Variants in THSD7A observed in about 807,000 individuals in gnomAD.
THSD7A encodes thrombospondin type-1 domain-containing protein 7A.
In THSD7A, 96 loss-of-function variants were observed where a neutral mutation model predicts 231.3. That is an observed-to-expected ratio of 0.41 (90% CI 0.35 to 0.49). THSD7A has a LOEUF of 0.49. Among genes scored for constraint, THSD7A ranks in the 20% least tolerant of loss-of-function variants. The pLI, the probability that THSD7A is intolerant of heterozygous loss-of-function variation, is 0.05. For synonymous variants in THSD7A, 940 were observed against 743.3 expected (o/e 1.26, Z -4.30); for missense variants, 2,290 against 2,070.2 (o/e 1.11, Z -2.06).
chr7:11,425,731 TACACAC>T (rs3086973), intron 15 of THSD7A, among the ~76,000 whole-genome samples: 55 of 145,744 alleles, frequency 3.8e-4, no homozygotes, highest in East Asian at 6.1e-4. Flanking sequence ...TCCCTTATTT[TACACAC>T]ACACACACAC....
chr7:11,642,736 C>T (rs939086082), intron 1 of THSD7A, among the ~76,000 whole-genome samples: 11 of 152,066 alleles, frequency 7.2e-5, no homozygotes, highest in African/African-American at 1.9e-4. Flanking sequence ...TTTCCTTAGG[C>T]TAGTGCTTTA....
intron 6 of THSD7A, among the ~76,000 whole-genome samples, chr7:11,534,335 G>A (rs1199077688): frequency 1.3e-5 from 2 of 152,184 alleles, no homozygotes; most frequent in Non-Finnish European, 2.9e-5. Flanking sequence ...GAATGTGGAC[G>A]AAGTGATATT....
At chr7:11,689,141 T>C (rs1780154778) in intron 1 of THSD7A, among the ~76,000 whole-genome samples, 1 of 151,798 alleles carries the variant, frequency 6.6e-6, no homozygotes, top group Non-Finnish European at 1.5e-5. Flanking sequence ...TAGACCTAAG[T>C]CATAAAAGTC....
chr7:11,505,446 G>GT (rs200864043), intron 6 of THSD7A, among the ~76,000 whole-genome samples: 42,656 of 144,370 alleles, frequency 0.3, 6,146 homozygotes, highest in South Asian at 0.42. Context: ...CCAGTGTAAA[G>GT]TTTTTTTTTT....
At chr7:11,593,193 A>G (rs1780231610) in intron 3 of THSD7A, 61 bp downstream of exon 3, 4 of 1,583,280 alleles carry the variant, frequency 2.5e-6, no homozygotes, top group Admixed American at 3.4e-5. Flanking sequence ...TGTTCAGTCA[A>G]AATCAAATAG....
intron 9 of THSD7A, among the ~76,000 whole-genome samples, chr7:11,462,427 A>G (rs1339491496): frequency 6.6e-6 from 1 of 152,222 alleles, no homozygotes; most frequent in Non-Finnish European, 1.5e-5. Context: ...GCTCTTTTGT[A>G]TAATTCTTTC....
intron 22 of THSD7A, 148 bp from the exon 23 acceptor site, chr7:11,402,116 G>T: frequency 1.6e-6 from 1 of 638,422 alleles, no homozygotes; most frequent in Non-Finnish European, 2.6e-6. Context: ...TTTAATATTT[G>T]TAAATTTGTA....
At position 11,406,852 on chromosome 7, in the gene THSD7A, A is replaced by T; in HGVS notation, c.4062+58T>A. ...ACACATTATTTTTATGTTTTTCTGC[A>T]GATGAAGTCTCTGCAGATAGAGTAC... is the stretch of plus-strand genomic sequence containing the variant. On this transcript the variant is annotated intron_variant, in intron 21 of 27. Coordinates refer to ENST00000423059, the MANE Select transcript of THSD7A (RefSeq NM_015204.3). This position sits in a 1 kb window ranked among gnomAD's most constrained non-coding sequence, Gnocchi z 4.7. The T allele has an allele frequency of 1.9e-6, 3 of 1,563,572 alleles. No homozygotes were observed. The highest frequency in any genetic ancestry group is 2.6e-6 in the Non-Finnish European group (3 of 1,151,448).
intron 13 of THSD7A, among the ~76,000 whole-genome samples, chr7:11,438,973 C>T (rs190074739): frequency 1.4e-4 from 22 of 151,992 alleles, no homozygotes; most frequent in African/African-American, 5.1e-4. Flanking sequence ...TTTATGTTCT[C>T]TTTGCAATTT....
At chr7:11,710,194 G>A (rs1343035951) in intron 1 of THSD7A, among the ~76,000 whole-genome samples, 1 of 150,592 alleles carries the variant, frequency 6.6e-6, no homozygotes, top group African/African-American at 2.4e-5. Flanking sequence ...GTTCTTAAAT[G>A]GTACTGGTGC....
intron 24 of THSD7A, 161 bp from the exon 25 acceptor site, chr7:11,379,873 T>TGTAG: frequency 1.4e-6 from 1 of 724,142 alleles, no homozygotes; most frequent in South Asian, 1.7e-5. Flanking sequence ...CTTGACCACC[T>TGTAG]TATGTAGTGA....
At position 11,824,253 on chromosome 7, in the gene THSD7A, A is replaced by G. The variant is rs1160022623; in HGVS notation, c.190+7504T>C. 2.0e-5 allele frequency among the ~76,000 whole-genome samples: 3 copies of G among 152,160 alleles called. No homozygotes were observed. In the East Asian group the frequency reaches 5.8e-4, roughly 29 times the overall value. On this transcript the variant is annotated intron_variant, in intron 1 of 27. Coordinates refer to ENST00000423059, the MANE Select transcript of THSD7A (RefSeq NM_015204.3). ...CTAATGTGCCTTTACATTAATTCTA[A>G]GGGATCCTGTCCTATATATTCACTA...
chr7:11,686,588 G>A (rs1311520679), intron 1 of THSD7A, among the ~76,000 whole-genome samples: 2 of 151,830 alleles, frequency 1.3e-5, no homozygotes, highest in Admixed American at 6.6e-5. Flanking sequence ...CAACCTAGGT[G>A]TCCACCAATG....
chr7:11,668,990 T>C (rs1029887606), intron 1 of THSD7A, among the ~76,000 whole-genome samples: 6 of 152,164 alleles, frequency 3.9e-5, no homozygotes, highest in Non-Finnish European at 8.8e-5. Flanking sequence ...CTGTTGGCTA[T>C]TACATGGTAT....
In THSD7A at chr7:11,590,266, G is replaced by T. The variant is rs2128340739; in HGVS notation, c.1453+194C>A. On this transcript the variant is annotated intron_variant, in intron 4 of 27. Transcript: ENST00000423059. The surrounding 1 kb of genome is among the most constrained non-coding windows in gnomAD (Gnocchi z 4.4). Reference sequence around the variant, plus strand: ...AGAAACTTGTCAGTAAACCAGAACTGACCAAAGATGGAATTGTGTTAAATA... The same window carrying T: ...AGAAACTTGTCAGTAAACCAGAACTTACCAAAGATGGAATTGTGTTAAATA... 6.6e-6 allele frequency among the ~76,000 whole-genome samples: 1 copy of T among 152,282 alleles called. No homozygotes were observed. The highest frequency in any genetic ancestry group is 2.1e-4 in the South Asian group (1 of 4,826).
chr7:11,421,646 A>T (rs1327734696), intron 16 of THSD7A, among the ~76,000 whole-genome samples: 1 of 152,228 alleles, frequency 6.6e-6, no homozygotes, highest in Non-Finnish European at 1.5e-5. Context: ...AACCACTCAT[A>T]ACAGACTATA....
At chr7:11,436,014 C>T (rs1440747030) in intron 13 of THSD7A, among the ~76,000 whole-genome samples, 1 of 152,062 alleles carries the variant, frequency 6.6e-6, no homozygotes, top group Middle Eastern at 3.4e-3. Context: ...TATGTAAGAA[C>T]CTGTGTTTAT....
intron 1 of THSD7A, among the ~76,000 whole-genome samples, chr7:11,685,656 C>G (rs1159317551): frequency 6.6e-6 from 1 of 151,902 alleles, no homozygotes; most frequent in Non-Finnish European, 1.5e-5. Flanking sequence ...AGATGCAAAT[C>G]AAAACCACAA....
At chr7:11,376,306 C>T (rs1291085146) in intron 27 of THSD7A, among the ~76,000 whole-genome samples, 2 of 151,970 alleles carry the variant, frequency 1.3e-5, no homozygotes, top group African/African-American at 4.8e-5. Context: ...TACAGTTCAC[C>T]ATATTGAGTA....
Sources: allele counts gnomAD v4.1 joint callset (sites outside exome capture counted in the v4.1 genomes callset), GRCh38; gene constraint gnomAD v4.1.1; non-coding constraint Gnocchi (gnomAD v3.1); transcripts MANE v1.5; gene names NCBI Gene and HGNC (gene_info 2026-07-23, HGNC 2026-07-21).